Variants in COMMD10 observed in about 807,000 individuals in gnomAD.
COMMD10 encodes the protein COMM domain-containing protein 10.
A neutral mutation model predicts 28.9 loss-of-function variants in COMMD10; 33 were observed. The observed-to-expected ratio is 1.14, with a 90% CI of 0.87 to 1.53. The LOEUF is 1.53. Ranked by LOEUF, COMMD10 falls within the 40% of genes most tolerant of loss-of-function variation. The pLI, the probability that COMMD10 is intolerant of heterozygous loss-of-function variation, is 0.00. For synonymous variants in COMMD10, 110 were observed against 81.7 expected, an observed-to-expected ratio of 1.35 and a Z score of -1.87; for missense variants, 310 against 233.4, an observed-to-expected ratio of 1.33 and a Z score of -2.14.
chr5:116,136,591 T>C (rs1246698210), intron 5 of COMMD10, among the ~76,000 whole-genome samples: 1 of 152,200 alleles, frequency 6.6e-6, no homozygotes, highest in East Asian at 1.9e-4. Context: ...CTGTTATATT[T>C]TTAGGCAGTA....
At chr5:116,256,270 A>G (rs1336637046) in intron 5 of COMMD10, among the ~76,000 whole-genome samples, 1 of 151,682 alleles carries the variant, frequency 6.6e-6, no homozygotes, top group Non-Finnish European at 1.5e-5. Context: ...ACTAGTGGAA[A>G]CTTCAAATGG....
At chr5:116,183,265 G>C (rs541348047) in intron 5 of COMMD10, among the ~76,000 whole-genome samples, 4 of 152,156 alleles carry the variant, frequency 2.6e-5, no homozygotes, top group African/African-American at 9.6e-5. Flanking sequence ...GGGAGACTAA[G>C]GATGATGCCA....
chr5:116,264,072 A>G (rs1461015449), intron 5 of COMMD10, among the ~76,000 whole-genome samples: 1 of 151,824 alleles, frequency 6.6e-6, no homozygotes, highest in Non-Finnish European at 1.5e-5. Context: ...CCTACTATGT[A>G]AAATGCAAGA....
At chr5:116,251,287 TTTA>T (rs753775786) in intron 5 of COMMD10, among the ~76,000 whole-genome samples, 7,472 of 144,746 alleles carry the variant, frequency 0.052, 245 homozygotes, top group African/African-American at 0.1. Context: ...TATTTATTTA[TTTA>T]TTTATTTATT....
chr5:116,195,561 G>A (rs61402552), intron 5 of COMMD10, among the ~76,000 whole-genome samples: 47,292 of 151,762 alleles, frequency 0.31, 10,126 homozygotes, highest in African/African-American at 0.61. Flanking sequence ...TTTTACAATA[G>A]CAAAAAATAA....
chr5:116,207,597 C>CTCACTGCAGCCTCCGCCTCCTGGGT (rs1299500681), intron 5 of COMMD10, among the ~76,000 whole-genome samples: 20 of 152,112 alleles, frequency 1.3e-4, no homozygotes, highest in African/African-American at 4.8e-4. Flanking sequence ...ATGATCTGGG[C>CTCACTGCAGCCTCCGCCTCCTGGGT]TCACTGCAGC....
intron 5 of COMMD10, among the ~76,000 whole-genome samples, chr5:116,233,681 A>G (rs1365734819): frequency 6.6e-6 from 1 of 152,164 alleles, no homozygotes; most frequent in Non-Finnish European, 1.5e-5. Flanking sequence ...TGGAAGCAGA[A>G]CATTCCAGGT....
intron 5 of COMMD10, among the ~76,000 whole-genome samples, chr5:116,180,349 T>A (rs747007234): frequency 2.6e-5 from 4 of 152,154 alleles, no homozygotes; most frequent in Non-Finnish European, 4.4e-5. Flanking sequence ...TATTTTAAAA[T>A]ATGTTCACTA....
At chr5:116,121,795 G>C (rs564114741) in intron 4 of COMMD10, among the ~76,000 whole-genome samples, 113 of 152,032 alleles carry the variant, frequency 7.4e-4, no homozygotes, top group African/African-American at 2.7e-3. Context: ...AGAAGTGTCT[G>C]TTCATATCCT....
chr5:116,240,078 G>A (rs1749773678), intron 5 of COMMD10, among the ~76,000 whole-genome samples: 1 of 152,070 alleles, frequency 6.6e-6, no homozygotes, highest in Non-Finnish European at 1.5e-5. Context: ...GGACAGACAG[G>A]CAGAAAATAG....
chr5:116,100,432 A>C (rs1750620717), intron 4 of COMMD10, among the ~76,000 whole-genome samples: 1 of 149,004 alleles, frequency 6.7e-6, no homozygotes, highest in Non-Finnish European at 1.5e-5. Context: ...TTTTTCTAGA[A>C]ATTTTATAGT....
At chr5:116,121,304 C>A (rs1237124701) in intron 4 of COMMD10, among the ~76,000 whole-genome samples, 1 of 152,204 alleles carries the variant, frequency 6.6e-6, no homozygotes, top group African/African-American at 2.4e-5. Context: ...CTGCAAAGGA[C>A]ATGAACTAAT....
At position 116,239,957 on chromosome 5, in the gene COMMD10, G is replaced by C. The variant is rs3733723; in HGVS notation, c.511-51560G>C. On this transcript the variant is annotated intron_variant, in intron 5 of 6. Coordinates refer to ENST00000274458, the MANE Select transcript of COMMD10 (RefSeq NM_016144.4). Reference sequence around the variant, plus strand: ...TTTTCACTCCCCCCCAAGGAGAGTAGAGTCCAGAATGGCCGGTGGTAGTCT... The same window carrying C: ...TTTTCACTCCCCCCCAAGGAGAGTACAGTCCAGAATGGCCGGTGGTAGTCT... 5.6e-3 allele frequency among the ~76,000 whole-genome samples: 858 copies of C among 152,216 alleles called. 34 individuals carry two copies. The highest frequency in any genetic ancestry group is 0.037 in the East Asian group (190 of 5,168).
At chr5:116,280,351 C>G (rs1227069097) in intron 5 of COMMD10, among the ~76,000 whole-genome samples, 1 of 151,834 alleles carries the variant, frequency 6.6e-6, no homozygotes. Flanking sequence ...GGCTGGTGCC[C>G]TTTGAGCCAG....
At chr5:116,109,587 C>G (rs1383303931) in intron 4 of COMMD10, among the ~76,000 whole-genome samples, 1 of 152,146 alleles carries the variant, frequency 6.6e-6, no homozygotes, top group Non-Finnish European at 1.5e-5. Flanking sequence ...GAGTGAGACT[C>G]TGTCTCAAAA....
intron 5 of COMMD10, among the ~76,000 whole-genome samples, chr5:116,206,922 A>G (rs1305032777): frequency 6.6e-6 from 1 of 152,120 alleles, no homozygotes; most frequent in East Asian, 1.9e-4. Context: ...TTCTCTCTCC[A>G]TCTCCTCAAA....
At chr5:116,169,702 G>A (rs1753252852) in intron 5 of COMMD10, among the ~76,000 whole-genome samples, 1 of 152,216 alleles carries the variant, frequency 6.6e-6, no homozygotes, top group East Asian at 1.9e-4. Flanking sequence ...ATGAATAAAC[G>A]TGATCCATTG....
intron 5 of COMMD10, among the ~76,000 whole-genome samples, chr5:116,151,655 G>C (rs75255859): frequency 0.31 from 47,581 of 151,968 alleles, 10,183 homozygotes; most frequent in African/African-American, 0.61. Context: ...AGAGGTGTTC[G>C]TAGTATTCTC....
At chr5:116,162,396 G>A (rs1752947018) in intron 5 of COMMD10, among the ~76,000 whole-genome samples, 1 of 152,046 alleles carries the variant, frequency 6.6e-6, no homozygotes, top group Admixed American at 6.6e-5. Context: ...AAACAGATGA[G>A]TACAATAATT....
Sources: gnomAD v4.1 joint callset for allele counts (sites outside exome capture counted in the v4.1 genomes callset) on GRCh38, gnomAD v4.1.1 for gene constraint, MANE v1.5 for transcripts, NCBI Gene and HGNC (gene_info 2026-07-23, HGNC 2026-07-21) for gene names.